The following CNKSR2 variants were observed in gnomAD, a reference collection of about 807,000 sequenced individuals.
CNKSR2 encodes connector enhancer of kinase suppressor of Ras 2.
A neutral mutation model predicts 84.4 loss-of-function variants in CNKSR2; 14 were observed. The ratio of observed to expected loss-of-function variants is 0.17; its 90% CI spans 0.11 to 0.26. The LOEUF is 0.26. Ranked by LOEUF, CNKSR2 falls within the 10% of genes least tolerant of loss-of-function variation. The pLI is 1.00. For missense variants in CNKSR2, 485 were observed against 771.2 expected, an observed-to-expected ratio of 0.63 and a Z score of 4.40; for synonymous variants, 275 against 277.9, an observed-to-expected ratio of 0.99 and a Z score of 0.10.
intron 6 of CNKSR2, chrX:21,495,092 A>G (rs1189017089): frequency 8.9e-6 from 1 of 112,308 alleles, no homozygotes; most frequent in Non-Finnish European, 1.9e-5. Context: ...TGACTTTAAT[A>G]TCTACAGTCA....
At chrX:21,435,132 A>G (rs2090686547) in intron 3 of CNKSR2, among the ~76,000 whole-genome samples, 1 of 109,757 alleles carries the variant, frequency 9.1e-6, no homozygotes, top group Non-Finnish European at 1.9e-5. Flanking sequence ...TTTCTCTTCA[A>G]AAGCTAAATA....
chrX:21,584,598 A>G (rs772364823), intron 13 of CNKSR2, among the ~76,000 whole-genome samples: 2 of 112,226 alleles, frequency 1.8e-5, no homozygotes, highest in African/African-American at 6.5e-5. Context: ...CTTGGGTAGA[A>G]TTTACTAAAA....
In CNKSR2 at chrX:21,375,268, C is replaced by T. The variant is rs180813054; in HGVS notation, c.64+307C>T. Among the ~76,000 whole-genome samples the T allele has an allele frequency of 1.9e-3, 209 of 112,838 alleles. 1 individual carries two copies. The highest frequency in any genetic ancestry group is 9.1e-3 in the Middle Eastern group (2 of 219). ...GCGTACTCCCCTCTCCCCTTACTGC[C>T]CCCGGGCCAGGAGGACGTGGCGACC... On this transcript the variant is annotated intron_variant, in intron 1 of 21. Coordinates refer to ENST00000379510, the MANE Select transcript of CNKSR2 (RefSeq NM_014927.5).
intron 11 of CNKSR2, among the ~76,000 whole-genome samples, chrX:21,557,983 G>A (rs1182904317): frequency 9.0e-6 from 1 of 111,251 alleles, no homozygotes; most frequent in Non-Finnish European, 1.9e-5. Context: ...ATTAATAATA[G>A]CATATATTTG....
At chrX:21,591,349 C>T in intron 15 of CNKSR2, 155 bp downstream of exon 15, 3 of 373,966 alleles carry the variant, frequency 8.0e-6, no homozygotes, top group Non-Finnish European at 1.4e-5. Flanking sequence ...AAAATGATTG[C>T]ATGTTGGGGT....
At chrX:21,580,796 T>C (rs2092348135) in intron 13 of CNKSR2, among the ~76,000 whole-genome samples, 1 of 111,589 alleles carries the variant, frequency 9.0e-6, no homozygotes. Context: ...AGCCTGCAGG[T>C]AGCAAATCTG....
chrX:21,396,498 T>C (rs1196082986), intron 1 of CNKSR2, among the ~76,000 whole-genome samples: 1 of 111,504 alleles, frequency 9.0e-6, no homozygotes, highest in African/African-American at 3.3e-5. Context: ...TGCCTATTTT[T>C]ATCAAACTTT....
intron 20 of CNKSR2, among the ~76,000 whole-genome samples, chrX:21,610,593 G>A (rs1017175290): frequency 8.9e-6 from 1 of 112,423 alleles, no homozygotes; most frequent in African/African-American, 3.2e-5. Context: ...TGAGCAAATG[G>A]TGATGAAATC....
chrX:21,626,570 G>A (rs1192219272), intron 20 of CNKSR2, among the ~76,000 whole-genome samples: 1 of 111,854 alleles, frequency 8.9e-6, no homozygotes, highest in Non-Finnish European at 1.9e-5. Flanking sequence ...AAATGTGGAG[G>A]CAAAATGTTA....
At chrX:21,405,837 A>C (rs1306323911) in intron 1 of CNKSR2, among the ~76,000 whole-genome samples, 2 of 111,472 alleles carry the variant, frequency 1.8e-5, no homozygotes, top group Non-Finnish European at 3.8e-5. Context: ...TAAGTTTTAT[A>C]ATTAAAAATA....
At chrX:21,457,852 A>G (rs1296397580) in intron 4 of CNKSR2, among the ~76,000 whole-genome samples, 1 of 112,187 alleles carries the variant, frequency 8.9e-6, no homozygotes, top group Non-Finnish European at 1.9e-5. Flanking sequence ...TTTACAAAAC[A>G]TTTCCATATC....
intron 2 of CNKSR2, 32 bp from the exon 3 acceptor site, chrX:21,432,580 T>G (rs2090648176): frequency 2.0e-5 from 20 of 992,589 alleles, no homozygotes; most frequent in Non-Finnish European, 2.5e-5. Flanking sequence ...AAACTGACTT[T>G]AAATATATTC....
At chrX:21,625,021 T>C in intron 20 of CNKSR2, among the ~76,000 whole-genome samples, 1 of 112,079 alleles carries the variant, frequency 8.9e-6, no homozygotes, top group East Asian at 2.8e-4. Flanking sequence ...TGACTGACTT[T>C]TTAGAAAAGC....
intron 13 of CNKSR2, among the ~76,000 whole-genome samples, chrX:21,570,600 C>G (rs2092277170): frequency 8.9e-6 from 1 of 112,092 alleles, no homozygotes; most frequent in Non-Finnish European, 1.9e-5. Context: ...TTTTGACATG[C>G]CTTCCTCACT....
intron 1 of CNKSR2, among the ~76,000 whole-genome samples, chrX:21,376,696 T>G (rs1458596987): frequency 8.9e-6 from 1 of 112,457 alleles, no homozygotes; most frequent in African/African-American, 3.2e-5. Flanking sequence ...TGAATTTGTC[T>G]AAAAGGTTAC....
At position 21,561,406 on chromosome X, in the gene CNKSR2, G is replaced by A. The variant is rs2092187967; in HGVS notation, c.1304-65G>A. Reference sequence around the variant, plus strand: ...TTTGGTAGACTTTAGCTAAAAATCAGTGTAAGTTTGAGCAGACATGGGGAA... The same window carrying A: ...TTTGGTAGACTTTAGCTAAAAATCAATGTAAGTTTGAGCAGACATGGGGAA... On this transcript the variant is annotated intron_variant, in intron 11 of 21. Coordinates refer to ENST00000379510, the MANE Select transcript of CNKSR2 (RefSeq NM_014927.5). 7.1e-6 allele frequency: 6 copies of A among 839,583 alleles called. No individual in the cohort carries two copies. In the East Asian group the frequency reaches 1.3e-4, roughly 18 times the overall value. The allele number at this position is 839,583 out of a possible 1,213,427, so 69.2% of individuals were successfully genotyped here.
chrX:21,511,335 C>T (rs1233686334), intron 8 of CNKSR2, among the ~76,000 whole-genome samples: 5 of 110,984 alleles, frequency 4.5e-5, no homozygotes, highest in Non-Finnish European at 7.6e-5. Flanking sequence ...ATCTTTTATG[C>T]GACAAATTTT....
At chrX:21,628,867 T>C (rs948924396) in intron 20 of CNKSR2, among the ~76,000 whole-genome samples, 1 of 112,707 alleles carries the variant, frequency 8.9e-6, no homozygotes, top group African/African-American at 3.2e-5. Flanking sequence ...TTGTTACTTA[T>C]GCAAATTTCT....
intron 1 of CNKSR2, among the ~76,000 whole-genome samples, chrX:21,376,426 C>G (rs2089816508): frequency 8.9e-6 from 1 of 111,782 alleles, no homozygotes; most frequent in Non-Finnish European, 1.9e-5. Flanking sequence ...TGAATTAAAC[C>G]TAATACATTA....
Sources: gnomAD v4.1 joint callset for allele counts (sites outside exome capture counted in the v4.1 genomes callset) on GRCh38, gnomAD v4.1.1 for gene constraint, MANE v1.5 for transcripts, NCBI Gene and HGNC (gene_info 2026-07-23, HGNC 2026-07-21) for gene names.